CSMD2: variants seen among roughly 807,000 people sequenced by gnomAD.
CSMD2 encodes CUB and Sushi multiple domains 2.
CSMD2 carries 130 observed loss-of-function variants against 398.5 expected under a neutral mutation model. The ratio of observed to expected loss-of-function variants is 0.33; its 90% CI spans 0.28 to 0.38. The LOEUF is 0.38. CSMD2 is among the 10% of genes least tolerant of loss of function. The pLI, the probability that CSMD2 is intolerant of heterozygous loss-of-function variation, is 1.00. For synonymous variants in CSMD2, 1,828 were observed against 1,908.5 expected (o/e 0.96, Z 1.10); for missense variants, 3,829 against 4,764.9 (o/e 0.80, Z 5.78).
At chr1:33,594,039 A>G (rs1288678457) in intron 44 of CSMD2, among the ~76,000 whole-genome samples, 1 of 152,166 alleles carries the variant, frequency 6.6e-6, no homozygotes, top group East Asian at 1.9e-4. Flanking sequence ...TTGCACATTT[A>G]TTAATATAAA....
intron 55 of CSMD2, among the ~76,000 whole-genome samples, chr1:33,552,220 A>G (rs189267109): frequency 1.6e-4 from 25 of 152,354 alleles, no homozygotes; most frequent in Admixed American, 1.2e-3. Context: ...CTTTGCATCC[A>G]CTAGGATGGT....
At chr1:34,112,566 G>A (rs1661199857) in intron 1 of CSMD2, among the ~76,000 whole-genome samples, 1 of 152,160 alleles carries the variant, frequency 6.6e-6, no homozygotes, top group African/African-American at 2.4e-5. Context: ...TTCTCCTGTG[G>A]GCATACTATG....
intron 3 of CSMD2, among the ~76,000 whole-genome samples, chr1:33,972,257 C>T (rs1645799249): frequency 6.6e-6 from 1 of 152,216 alleles, no homozygotes; most frequent in Non-Finnish European, 1.5e-5. Context: ...GATACTTTGA[C>T]AGCACAGTGC....
At chr1:33,952,327 G>T (rs1645031405) in intron 3 of CSMD2, among the ~76,000 whole-genome samples, 1 of 152,226 alleles carries the variant, frequency 6.6e-6, no homozygotes, top group Non-Finnish European at 1.5e-5. Context: ...GTCTGAATAA[G>T]AATAACAGTA....
rs745624563 is a variant in CSMD2, at chr1:33,616,893, T to C, written c.6016+13A>G. 4 of 1,610,520 alleles carry C rather than the reference T, an allele frequency of 2.5e-6. No individual in the cohort carries two copies. The South Asian group carries it at 3.3e-5, about 13-fold the overall frequency. On this transcript the variant is annotated intron_variant, in intron 39 of 70. Coordinates refer to ENST00000373381, the MANE Select transcript of CSMD2 (RefSeq NM_001281956.2). ...ATTGGTTGGAATGAATTGTAAAGTC[T>C]GGGCTGTCTTACCAATACAGAGTGG...
chr1:33,876,665 G>A (rs1262282669), intron 5 of CSMD2, among the ~76,000 whole-genome samples: 1 of 152,190 alleles, frequency 6.6e-6, no homozygotes, highest in Non-Finnish European at 1.5e-5. Flanking sequence ...TCAAGTAGCA[G>A]AACTCAGGCA....
chr1:34,108,292 AC>A (rs2148433785), intron 1 of CSMD2, among the ~76,000 whole-genome samples: 1 of 152,096 alleles, frequency 6.6e-6, no homozygotes, highest in Admixed American at 6.5e-5. Flanking sequence ...AGAAAAAAAA[AC>A]CCAAAACCCT....
At chr1:33,710,767 CA>C (rs56071434) in intron 21 of CSMD2, among the ~76,000 whole-genome samples, 136,874 of 152,180 alleles carry the variant, frequency 0.9, 61,755 homozygotes, top group African/African-American at 0.97. Context: ...ACCTTCAGAA[CA>C]TGGAAACATA....
intron 2 of CSMD2, among the ~76,000 whole-genome samples, chr1:34,044,473 T>C (rs940210080): frequency 2.0e-5 from 3 of 152,062 alleles, no homozygotes; most frequent in African/African-American, 2.4e-5. Context: ...TGGGAAACAA[T>C]AGGCCCAGAG....
intron 66 of CSMD2, among the ~76,000 whole-genome samples, chr1:33,523,928 C>A (rs972256828): frequency 6.6e-6 from 1 of 152,152 alleles, no homozygotes; most frequent in Non-Finnish European, 1.5e-5. Context: ...GCTTATCTAT[C>A]CATCTATTCA....
intron 5 of CSMD2, among the ~76,000 whole-genome samples, chr1:33,893,660 C>T (rs562826507): frequency 5.9e-5 from 9 of 152,264 alleles, no homozygotes; most frequent in Non-Finnish European, 1.2e-4. Flanking sequence ...GAAATAAGCA[C>T]GACTTCACTC....
chr1:33,636,874 G>A lies in CSMD2; in HGVS notation c.4775-320C>T, dbSNP rs1036810706. ...GCTTGCTCCTCCCCAAGGGAAACATGTGTTTCTCTGGCTGGTGGGGGCTGA... is the reference window on the plus strand; with the variant it reads ...GCTTGCTCCTCCCCAAGGGAAACATATGTTTCTCTGGCTGGTGGGGGCTGA... On this transcript the variant is annotated intron_variant, in intron 29 of 70. Transcript: ENST00000373381. This position sits in a 1 kb window ranked among gnomAD's most constrained non-coding sequence, Gnocchi z 4.8. 1.3e-5 allele frequency among the ~76,000 whole-genome samples: 2 copies of A among 152,270 alleles called. No individual in the cohort carries two copies. Among genetic ancestry groups the A allele is most frequent in the Admixed American group, 6.5e-5 (1 of 15,308 alleles).
At chr1:33,724,155 C>T (rs773628403) in intron 19 of CSMD2, 42 bp downstream of exon 19, 3 of 1,446,466 alleles carry the variant, frequency 2.1e-6, no homozygotes, top group Admixed American at 3.3e-5. Context: ...GGGTCCCTGA[C>T]CTCGTCACAT....
chr1:33,847,073 C>T (rs1638310136), intron 5 of CSMD2, 77 bp from the exon 6 acceptor site: 1 of 967,934 alleles, frequency 1.0e-6, no homozygotes, highest in East Asian at 2.9e-5. Context: ...GGAGTTCCTC[C>T]ACTTCCCTTG....
Position 33,864,647 on chromosome 1 carries a change from G to A in CSMD2, c.921-17651C>T, listed in dbSNP as rs756744396. On this transcript the variant is annotated intron_variant, in intron 5 of 70. Transcript: ENST00000373381. ...AAAGAGTGGCTCTCCTGAGAGCTAA[G>A]TACTTCGAGGAACTTGAACTCTACC... 7.4e-6 allele frequency: 12 copies of A among 1,613,820 alleles called. No individual in the cohort carries two copies. In the East Asian group the frequency reaches 1.8e-4, roughly 24 times the overall value.
chr1:33,704,427 A>G (rs963652730), intron 22 of CSMD2, among the ~76,000 whole-genome samples: 6 of 152,146 alleles, frequency 3.9e-5, no homozygotes, highest in Non-Finnish European at 8.8e-5. Context: ...AAGTTTTGCC[A>G]TTAAGTATAA....
At chr1:34,149,169 C>T (rs1640056224) in intron 1 of CSMD2, among the ~76,000 whole-genome samples, 1 of 152,192 alleles carries the variant, frequency 6.6e-6, no homozygotes, top group African/African-American at 2.4e-5. Context: ...GGCCATTTGC[C>T]TCAGTTTCCC....
chr1:33,813,527 T>C (rs1409770188), intron 9 of CSMD2, among the ~76,000 whole-genome samples: 1 of 152,184 alleles, frequency 6.6e-6, no homozygotes, highest in East Asian at 1.9e-4. Flanking sequence ...TTCCCTGAAA[T>C]GCTCTTCTGG....
intron 3 of CSMD2, among the ~76,000 whole-genome samples, chr1:33,977,780 C>T (rs1172825706): frequency 6.6e-6 from 1 of 152,126 alleles, no homozygotes; most frequent in Non-Finnish European, 1.5e-5. Context: ...GACTGGAAGC[C>T]TCAACTCAGA....
Sources: gnomAD v4.1 joint callset for allele counts (sites outside exome capture counted in the v4.1 genomes callset) on GRCh38, gnomAD v4.1.1 for gene constraint, Gnocchi (gnomAD v3.1) non-coding constraint, MANE v1.5 for transcripts, NCBI Gene and HGNC (gene_info 2026-07-23, HGNC 2026-07-21) for gene names.